Variants in SSH3 observed in about 807,000 individuals in gnomAD.
The protein encoded by SSH3 is slingshot protein phosphatase 3, also known as protein phosphatase Slingshot homolog 3.
SSH3 carries 67 observed loss-of-function variants against 75.0 expected under a neutral mutation model. The observed-to-expected ratio is 0.89, with a 90% CI of 0.73 to 1.10. SSH3 has a LOEUF of 1.10. SSH3 is among the 50% of genes least tolerant of loss of function. SSH3 has a pLI of 0.00. For missense variants in SSH3, 824 were observed against 872.7 expected, an observed-to-expected ratio of 0.94 and a Z score of 0.70; for synonymous variants, 318 against 349.2, an observed-to-expected ratio of 0.91 and a Z score of 1.00.
chr11:67,311,485 TG>T, intron 13 of SSH3, 105 bp from the exon 14 acceptor site: 1 of 1,432,236 alleles, frequency 7.0e-7, no homozygotes, highest in Non-Finnish European at 9.6e-7. Context: ...CGCCTCCTCC[TG>T]GCTCTGTGCT....
Position 67,308,827 on chromosome 11 carries a change from C to A in SSH3, c.1061+369C>A, listed in dbSNP as rs998905537. Among the ~76,000 whole-genome samples the A allele has an allele frequency of 1.3e-5, 2 of 152,038 alleles. No individual in the cohort carries two copies. Among genetic ancestry groups the A allele is most frequent in the African/African-American group, 2.4e-5 (1 of 41,378 alleles). ...ACTTGGGAGGCTGAGGCAGGAGGAT[C>A]GCTTGAGCCCTGGAGATTGAGGCCG... On this transcript the variant is annotated intron_variant, in intron 10 of 13. Transcript: ENST00000308127. The surrounding 1 kb of genome is among the most constrained non-coding windows in gnomAD (Gnocchi z 4.9).
chr11:67,303,765 G>A, intron 1 of SSH3, 74 bp downstream of exon 1: 1 of 1,385,822 alleles, frequency 7.2e-7, no homozygotes, highest in African/African-American at 1.5e-5. Flanking sequence ...GCCCGCCAGC[G>A]GGCTCCTCTC....
At chr11:67,304,699 A>T in intron 2 of SSH3, 74 bp from the exon 3 acceptor site, 1 of 1,430,970 alleles carries the variant, frequency 7.0e-7, no homozygotes, top group South Asian at 1.2e-5. Context: ...GGTGAATGTG[A>T]TGCATGCTAG....
In SSH3 at chr11:67,308,380, A is replaced by G. The variant is rs559282603; in HGVS notation, c.1015-32A>G. The G allele has an allele frequency of 2.5e-6, 4 of 1,613,814 alleles. No individual in the cohort carries two copies. The highest frequency in any genetic ancestry group is 2.2e-5 in the East Asian group (1 of 44,872). On this transcript the variant is annotated intron_variant, in intron 9 of 13. Coordinates refer to ENST00000308127, the MANE Select transcript of SSH3 (RefSeq NM_017857.4). The surrounding 1 kb of genome is among the most constrained non-coding windows in gnomAD (Gnocchi z 4.9). ...GCAGGCCAGGAGCAGAGGCTGGAGG[A>G]GAGGAGAAATGTGCTGTTCCCTCTC...
In SSH3 at chr11:67,312,079, C is replaced by A. The variant is rs925483184; in HGVS notation, c.*192C>A. 64 of 745,348 alleles carry A rather than the reference C, an allele frequency of 8.6e-5. No homozygotes were observed. In the African/African-American group the frequency reaches 1.1e-3, roughly 13 times the overall value. The allele number at this position is 745,348 out of a possible 1,614,324, so 46.2% of individuals were successfully genotyped here. On this transcript the variant is annotated 3_prime_UTR_variant, in exon 14 of 14. Coordinates refer to ENST00000308127, the MANE Select transcript of SSH3 (RefSeq NM_017857.4). Reference sequence around the variant, plus strand: ...TCACTACAGCCTCACCTCCTACAGCCTTAAGTCCCAGGCCCATGTCTGCCT... The same window carrying A: ...TCACTACAGCCTCACCTCCTACAGCATTAAGTCCCAGGCCCATGTCTGCCT...
chr11:67,310,186 G>A lies in SSH3; in HGVS notation c.1530G>A (p.Glu510=). ...LPPEPEGGGE[E]KVVGMEESQA... is the part of the protein sequence containing the mutation. ...CAGAACCTGAGGGTGGTGGGGAGGA[G>A]AAGGTTGTAGGCATGGAAGAGAGCC... Residue 510 remains glutamate, a synonymous_variant, in exon 13 of 14, where the codon GAG becomes GAA. Coordinates refer to ENST00000308127, the MANE Select transcript of SSH3 (RefSeq NM_017857.4). 6.2e-7 allele frequency: 1 copy of A among 1,614,242 alleles called. No individual in the cohort carries two copies. Among genetic ancestry groups the A allele is most frequent in the Non-Finnish European group, 8.5e-7 (1 of 1,180,042 alleles).
chr11:67,307,035 C>A lies in SSH3; in HGVS notation c.465-7C>A. The A allele has an allele frequency of 6.2e-7, 1 of 1,614,034 alleles. No homozygotes were observed. Among genetic ancestry groups the A allele is most frequent in the South Asian group, 1.1e-5 (1 of 91,074 alleles). On this transcript the variant is annotated splice_polypyrimidine_tract_variant and splice_region_variant and intron_variant, in intron 4 of 13. Transcript: ENST00000308127. This position sits in a 1 kb window ranked among gnomAD's most constrained non-coding sequence, Gnocchi z 4.2. ...GGGACAATGGCTTTCCCTCTGTCCC[C>A]TGCCAGCTCCCCCAGCTGCACCCTG... is the stretch of plus-strand genomic sequence containing the variant.
chr11:67,304,877 G>A lies in SSH3; in HGVS notation c.209G>A (p.Ser70Asn), dbSNP rs749093128. 5.4e-5 allele frequency: 87 copies of A among 1,613,758 alleles called. No individual in the cohort carries two copies. The highest frequency in any genetic ancestry group is 7.1e-5 in the Non-Finnish European group (84 of 1,180,042). ...TCTGAGCCAACAGAGAAGGCCCCGA[G>A]TGAGGAGGAGCTCCACGGGGACCAG... ...ASSEPTEKAP[S>N]EEELHGDQTD... The change falls in exon 3 of 14, where the codon AGT becomes AAT. Residue 70 changes from serine (S) to asparagine (N), a missense_variant. Coordinates refer to ENST00000308127, the MANE Select transcript of SSH3 (RefSeq NM_017857.4).
rs1014423729 is a variant in SSH3, at chr11:67,310,242, G to A, written c.1586G>A (p.Arg529Gln). 3 of 1,614,204 alleles carry A rather than the reference G, an allele frequency of 1.9e-6. No homozygotes were observed. Among genetic ancestry groups the A allele is most frequent in the Admixed American group, 1.7e-5 (1 of 60,026 alleles). ...QAAPKEEPGP[R>Q]PRINLRGVMR... The stretch of plus-strand genomic sequence containing the variant: ...GCCCCGAAAGAAGAGCCTGGGCCAC[G>A]GCCACGTATAAACCTCCGAGGGGTC... The change falls in exon 13 of 14, where the codon CGG becomes CAG. Residue 529 changes from arginine to glutamine, a missense_variant. Arg to Gln is a conservative substitution (Grantham distance 43). Transcript: ENST00000308127.
intron 2 of SSH3, 144 bp downstream of exon 2, chr11:67,304,299 G>A (rs1861163970): frequency 2.9e-6 from 2 of 690,348 alleles, no homozygotes; most frequent in African/African-American, 1.8e-5. Flanking sequence ...AGCGTTCCCG[G>A]TGGGGCCGGC....
chr11:67,308,198 C>A lies in SSH3; in HGVS notation c.910C>A (p.Leu304Met). 6.2e-7 allele frequency: 1 copy of A among 1,613,936 alleles called. No individual in the cohort carries two copies. ...KEIRQALELR[L>M]GLPLQQYRDF... ...GATCCGCCAGGCTCTGGAGCTGCGCCTGGGGCTCCCCCTCCAGCAGTACCG... is the reference window on the plus strand; with the variant it reads ...GATCCGCCAGGCTCTGGAGCTGCGCATGGGGCTCCCCCTCCAGCAGTACCG... Residue 304 changes from leucine (L) to methionine (M), a missense_variant, in exon 9 of 14, where the codon CTG becomes ATG. Leu to Met is a conservative substitution (Grantham distance 15). Transcript: ENST00000308127. The surrounding 1 kb of genome is among the most constrained non-coding windows in gnomAD (Gnocchi z 4.9).
At position 67,309,791 on chromosome 11, in the gene SSH3, TC is replaced by T; in HGVS notation, c.1234del (p.His412ThrfsTer18). The T allele has an allele frequency of 6.2e-7, 1 of 1,613,218 alleles. No individual in the cohort carries two copies. On this transcript the variant is annotated frameshift_variant, in exon 12 of 14. Transcript: ENST00000308127. The stretch of plus-strand genomic sequence containing the variant: ...AGAGCACAGGGCACCCACGTGCTGG[TC>T]CACTGCAAGATGGGCGTCAGCCGCT... ...AARAQGTHVL[V>X]HCKMGVSRSA... is the part of the protein sequence containing the mutation.
chr11:67,306,941 G>A lies in SSH3; in HGVS notation c.443G>A (p.Gly148Asp), dbSNP rs771092543. Reference protein sequence around the residue: ...GLSQDETVLLGVDFPDSSSPS... With the variant: ...GLSQDETVLLDVDFPDSSSPS... The stretch of plus-strand genomic sequence containing the variant: ...AGCCAGGATGAGACGGTCCTCCTGG[G>A]CGTGGATTTCCCTGACAGCAGGTTC... The change falls in exon 4 of 14, where the codon GGC (glycine) becomes GAC (aspartate). Residue 148 changes from glycine to aspartate, a missense_variant. Coordinates refer to ENST00000308127, the MANE Select transcript of SSH3 (RefSeq NM_017857.4). The A allele has an allele frequency of 6.2e-7, 1 of 1,613,052 alleles. No homozygotes were observed. Among genetic ancestry groups the A allele is most frequent in the Non-Finnish European group, 8.5e-7 (1 of 1,179,138 alleles).
At position 67,307,119 on chromosome 11, in the gene SSH3, C is replaced by G. The variant is rs147907425; in HGVS notation, c.536+6C>G. 1.1e-3 allele frequency: 1,821 copies of G among 1,613,290 alleles called. 17 individuals are homozygous for G. The African/African-American group carries it at 0.018, about 16-fold the overall frequency. On this transcript the variant is annotated splice_donor_region_variant and intron_variant, in intron 5 of 13. Coordinates refer to ENST00000308127, the MANE Select transcript of SSH3 (RefSeq NM_017857.4). This position sits in a 1 kb window ranked among gnomAD's most constrained non-coding sequence, Gnocchi z 4.2. The stretch of plus-strand genomic sequence containing the variant: ...GTGTACTTAGATGGAGACGGGTAAG[C>G]AATGGCAACTGGAGGTGGGGGCTGG...
intron 2 of SSH3, 72 bp downstream of exon 2, chr11:67,304,227 C>A: frequency 8.1e-7 from 1 of 1,233,886 alleles, no homozygotes; most frequent in Non-Finnish European, 1.1e-6. Flanking sequence ...TGGGCTCCAG[C>A]TGCAGGGACA....
Position 67,311,631 on chromosome 11 carries a change from A to C in SSH3, c.1724A>C (p.Gln575Pro), listed in dbSNP as rs767575876. 6 of 1,613,994 alleles carry C rather than the reference A, an allele frequency of 3.7e-6. No individual in the cohort carries two copies. The African/African-American group carries it at 6.7e-5, about 18-fold the overall frequency. The change falls in exon 14 of 14, where the codon CAG becomes CCG. Residue 575 changes from glutamine (Q) to proline (P), a missense_variant. Physicochemically the swap from Gln to Pro is moderately conservative, Grantham distance 76. Coordinates refer to ENST00000308127, the MANE Select transcript of SSH3 (RefSeq NM_017857.4). ...SHESSHEEPL[Q>P]PFPQLARTKG... Reference sequence around the variant, plus strand: ...GAGTCTTCACATGAAGAGCCTCTGCAGCCCTTCCCACAGCTTGCAAGGACC... The same window carrying C: ...GAGTCTTCACATGAAGAGCCTCTGCCGCCCTTCCCACAGCTTGCAAGGACC...
rs766824408 is a variant in SSH3, at chr11:67,307,650, G to C, written c.704G>C (p.Arg235Thr). ...ACCTGGGCCAGCCACTACCAGGAGA[G>C]ACTGAACTCCGAACAGAGCTGCCTC... Reference protein sequence around the residue: ...ALTWASHYQERLNSEQSCLNE... With the variant: ...ALTWASHYQETLNSEQSCLNE... The change falls in exon 7 of 14, where the codon AGA becomes ACA. Residue 235 changes from arginine (R) to threonine (T), a missense_variant. By Grantham distance (71) the Arg-to-Thr change is moderately conservative. Coordinates refer to ENST00000308127, the MANE Select transcript of SSH3 (RefSeq NM_017857.4). The surrounding 1 kb of genome is among the most constrained non-coding windows in gnomAD (Gnocchi z 4.2). The C allele has an allele frequency of 1.9e-6, 3 of 1,614,090 alleles. No individual in the cohort carries two copies. The South Asian group carries it at 3.3e-5, about 18-fold the overall frequency.
chr11:67,309,463 CA>C lies in SSH3; in HGVS notation c.1130del (p.Asn377MetfsTer53). 1 of 1,614,190 alleles carries C rather than the reference CA, an allele frequency of 6.2e-7. No homozygotes were observed. Among genetic ancestry groups the C allele is most frequent in the Non-Finnish European group, 8.5e-7 (1 of 1,180,042 alleles). ...TCTACCCTGAGCGCTTCACCTACCACAATGTGCGCCTCTGGGATGAGGAGTC... is the reference window on the plus strand; with the variant it reads ...TCTACCCTGAGCGCTTCACCTACCACATGTGCGCCTCTGGGATGAGGAGTC... Reference protein sequence around the residue: ...NFYPERFTYHNVRLWDEESAQ... With the variant: ...NFYPERFTYHXVRLWDEESAQ... On this transcript the variant is annotated frameshift_variant, in exon 11 of 14. Transcript: ENST00000308127.
Position 67,309,447 on chromosome 11 carries a change from AG to A in SSH3, c.1113del (p.Glu371AspfsTer59). 6.2e-7 allele frequency: 1 copy of A among 1,614,146 alleles called. No homozygotes were observed. Among genetic ancestry groups the A allele is most frequent in the South Asian group, 1.1e-5 (1 of 91,088 alleles). ...MAREIDNFYP[E>X]RFTYHNVRLW... is the part of the protein sequence containing the mutation. ...CGGGAGATTGACAACTTCTACCCTG[AG>A]CGCTTCACCTACCACAATGTGCGCC... On this transcript the variant is annotated frameshift_variant, in exon 11 of 14. Transcript: ENST00000308127.
Sources: gnomAD v4.1 joint callset for allele counts (sites outside exome capture counted in the v4.1 genomes callset) on GRCh38, gnomAD v4.1.1 for gene constraint, Gnocchi (gnomAD v3.1) non-coding constraint, MANE v1.5 for transcripts, NCBI Gene and HGNC (gene_info 2026-07-23, HGNC 2026-07-21) for gene names.